Variants in ANGPT2 observed in about 807,000 individuals in gnomAD.
The protein encoded by ANGPT2 is angiopoietin 2.
A neutral mutation model predicts 62.9 loss-of-function variants in ANGPT2; 28 were observed. That is an observed-to-expected ratio of 0.44 (90% CI 0.33 to 0.61). The LOEUF (loss-of-function observed/expected upper bound fraction) is 0.61. Among genes scored for constraint, ANGPT2 ranks in the 20% least tolerant of loss-of-function variants. The pLI is 0.03. For missense variants in ANGPT2, 727 were observed against 594.9 expected (o/e 1.22, Z -2.31); for synonymous variants, 284 against 207.8 (o/e 1.37, Z -3.15).
rs568219030 is a variant in ANGPT2 at position 6,504,096 on chromosome 8, A to C, written c.1328-835T>G. 4.6e-3 allele frequency among the ~76,000 whole-genome samples: 698 copies of C among 152,276 alleles called. 1 individual carries two copies. The highest frequency in any genetic ancestry group is 6.7e-3 in the Non-Finnish European group (455 of 68,022). The stretch of plus-strand genomic sequence containing the variant: ...CACTTTGGGAGGCCGAGGTGGGTGG[A>C]TCACGAGATCAGGAGACCGAGACCA... On this transcript the variant is annotated intron_variant, in intron 8 of 8. Transcript: ENST00000629816.
At chr8:6,518,562 G>A (rs1177599494) in intron 5 of ANGPT2, among the ~76,000 whole-genome samples, 2 of 152,150 alleles carry the variant, frequency 1.3e-5, no homozygotes, top group African/African-American at 2.4e-5. Flanking sequence ...CAAGATACAT[G>A]TTACTGTTTC....
At chr8:6,551,184 A>G (rs1823589813) in intron 1 of ANGPT2, among the ~76,000 whole-genome samples, 1 of 152,098 alleles carries the variant, frequency 6.6e-6, no homozygotes, top group African/African-American at 2.4e-5. Context: ...TTTGAGCTGG[A>G]TAGAGAAAGG....
intron 1 of ANGPT2, among the ~76,000 whole-genome samples, chr8:6,552,936 G>T (rs778632451): frequency 4.6e-5 from 7 of 152,184 alleles, no homozygotes; most frequent in Non-Finnish European, 1.0e-4. Context: ...AAAGGATCAG[G>T]GTTTGCCAGG....
At position 6,502,769 on chromosome 8, in the gene ANGPT2, T is replaced by G; in HGVS notation, c.*332A>C. The stretch of plus-strand genomic sequence containing the variant: ...ATAACATAAGTGTTCTGTTTTCCAG[T>G]TATTTACTGATAAACTTGCACATAA... On this transcript the variant is annotated 3_prime_UTR_variant, in exon 9 of 9. Transcript: ENST00000629816. 3.2e-6 allele frequency: 1 copy of G among 316,230 alleles called. No homozygotes were observed. The highest frequency in any genetic ancestry group is 4.3e-5 in the South Asian group (1 of 23,346). 19.6% of individuals were successfully genotyped at this position (316,230 alleles called of 1,614,324 possible). A position where few individuals can be genotyped will look rare whatever the true frequency, so the allele number is the denominator to read the frequency against.
chr8:6,549,236 GGTAC>G (rs1284270194), intron 1 of ANGPT2, among the ~76,000 whole-genome samples: 4 of 152,300 alleles, frequency 2.6e-5, no homozygotes, highest in Non-Finnish European at 5.9e-5. Flanking sequence ...CAGTACCATG[GGTAC>G]GTAAATTGTG....
intron 3 of ANGPT2, among the ~76,000 whole-genome samples, chr8:6,526,724 G>C (rs1393949526): frequency 6.6e-6 from 1 of 152,116 alleles, no homozygotes; most frequent in Non-Finnish European, 1.5e-5. Flanking sequence ...TATTTAAATT[G>C]TGAAATAGGA....
intron 1 of ANGPT2, among the ~76,000 whole-genome samples, chr8:6,547,868 T>G (rs1822890268): frequency 6.7e-6 from 1 of 149,878 alleles, no homozygotes; most frequent in South Asian, 2.1e-4. Context: ...TTTGTTTCAG[T>G]GAGTCATCTT....
At position 6,547,556 on chromosome 8, in the gene ANGPT2, G is replaced by A. The variant is rs183551916; in HGVS notation, c.289-15069C>T. ...ATGTTTCTCTGTTTATCAAAGGGGC[G>A]CAGAGTCACAGTAGCACTTTGGACC... On this transcript the variant is annotated intron_variant, in intron 1 of 8. Transcript: ENST00000629816. 4.3e-4 allele frequency among the ~76,000 whole-genome samples: 65 copies of A among 152,286 alleles called. No homozygotes were observed. In the East Asian group the frequency reaches 5.2e-3, roughly 12 times the overall value.
intron 8 of ANGPT2, among the ~76,000 whole-genome samples, chr8:6,503,705 T>C (rs2129563608): frequency 6.6e-6 from 1 of 152,306 alleles, no homozygotes; most frequent in East Asian, 1.9e-4. Context: ...GGTTGAAGTT[T>C]AAACTAAAAT....
intron 1 of ANGPT2, among the ~76,000 whole-genome samples, chr8:6,554,108 G>C (rs1235029748): frequency 6.7e-6 from 1 of 149,294 alleles, no homozygotes. Flanking sequence ...GGGAGATATG[G>C]GTGGTATCTA....
intron 1 of ANGPT2, among the ~76,000 whole-genome samples, chr8:6,545,791 A>G (rs536488953): frequency 6.6e-6 from 1 of 152,384 alleles, no homozygotes; most frequent in African/African-American, 2.4e-5. Flanking sequence ...GCTATTAATA[A>G]TAGTTCTACC....
At chr8:6,540,449 C>T (rs2922875) in intron 1 of ANGPT2, among the ~76,000 whole-genome samples, 30,277 of 152,114 alleles carry the variant, frequency 0.2, 3,382 homozygotes, top group African/African-American at 0.31. Context: ...ACATTTTACA[C>T]GAGTGTCTTT....
chr8:6,525,012 A>G (rs1172945699), intron 3 of ANGPT2, among the ~76,000 whole-genome samples: 2 of 152,196 alleles, frequency 1.3e-5, no homozygotes, highest in Non-Finnish European at 2.9e-5. Context: ...ATAAAGCTCT[A>G]TGTAAAATGA....
chr8:6,506,810 T>G (rs975528828), intron 8 of ANGPT2, among the ~76,000 whole-genome samples: 1 of 152,086 alleles, frequency 6.6e-6, no homozygotes, highest in African/African-American at 2.4e-5. Flanking sequence ...GCCTGATTCT[T>G]TCAGCATAAA....
chr8:6,521,444 C>G, intron 3 of ANGPT2, 34 bp from the exon 4 acceptor site: 1 of 1,410,390 alleles, frequency 7.1e-7, no homozygotes, highest in East Asian at 2.3e-5. Flanking sequence ...TTAGTGAAGG[C>G]TATTCTAATG....
At chr8:6,546,094 A>C (rs1822533532) in intron 1 of ANGPT2, among the ~76,000 whole-genome samples, 1 of 152,238 alleles carries the variant, frequency 6.6e-6, no homozygotes, top group African/African-American at 2.4e-5. Context: ...ATACTTTCTA[A>C]CATCACATTT....
rs1818208709 is a variant in ANGPT2 at position 6,525,751 on chromosome 8, T to G, written c.566+1804A>C. On this transcript the variant is annotated intron_variant, in intron 3 of 8. Transcript: ENST00000629816. Reference sequence around the variant, plus strand: ...ATTTTCTTTTTTTATTATTTATAGCTGTTGATGAAAAAAACCTTTTTATTT... The same window carrying G: ...ATTTTCTTTTTTTATTATTTATAGCGGTTGATGAAAAAAACCTTTTTATTT... Among the ~76,000 whole-genome samples the G allele has an allele frequency of 1.3e-5, 2 of 152,342 alleles. 1 individual carries two copies. The highest frequency in any genetic ancestry group is 4.1e-4 in the South Asian group (2 of 4,822).
Position 6,500,496 on chromosome 8 carries a change from T to C in ANGPT2, c.*2605A>G, listed in dbSNP as rs574284860. 4.1e-4 allele frequency: 63 copies of C among 154,608 alleles called. 2 individuals carry two copies. The South Asian group carries it at 0.012, about 31-fold the overall frequency. The allele number at this position is 154,608 out of a possible 1,614,324, so 9.6% of individuals were successfully genotyped here. A position where few individuals can be genotyped will look rare whatever the true frequency, so the allele number is the denominator to read the frequency against. ...AAAAATGTTAATTTGTTTGTCACAG[T>C]TTATTCATTCAAAAGATTAATAGCT... is the stretch of plus-strand genomic sequence containing the variant. On this transcript the variant is annotated 3_prime_UTR_variant, in exon 9 of 9. Transcript: ENST00000629816.
At chr8:6,557,878 G>A (rs1226136582) in intron 1 of ANGPT2, among the ~76,000 whole-genome samples, 2 of 152,090 alleles carry the variant, frequency 1.3e-5, no homozygotes, top group African/African-American at 4.8e-5. Context: ...CCACAAAGCT[G>A]ACCAGGCCCT....
Sources: gnomAD v4.1 joint callset for allele counts (sites outside exome capture counted in the v4.1 genomes callset) on GRCh38, gnomAD v4.1.1 for gene constraint, MANE v1.5 for transcripts, NCBI Gene and HGNC (gene_info 2026-07-23, HGNC 2026-07-21) for gene names.